The following MCF2L2 variants were observed in gnomAD, a reference collection of about 807,000 sequenced individuals.
The protein encoded by MCF2L2 is probable guanine nucleotide exchange factor MCF2L2.
In MCF2L2, 102 loss-of-function variants were observed where a neutral mutation model predicts 150.2. The observed-to-expected ratio is 0.68, with a 90% CI of 0.58 to 0.80. The LOEUF (loss-of-function observed/expected upper bound fraction) is 0.80. Ranked by LOEUF, MCF2L2 falls within the 30% of genes least tolerant of loss-of-function variation. The pLI is 0.00. For missense variants in MCF2L2, 1,256 were observed against 1,372.8 expected, an observed-to-expected ratio of 0.91 and a Z score of 1.34; for synonymous variants, 465 against 491.3, an observed-to-expected ratio of 0.95 and a Z score of 0.71.
chr3:183,337,137 T>C (rs938986180), intron 5 of MCF2L2, among the ~76,000 whole-genome samples: 21 of 152,200 alleles, frequency 1.4e-4, no homozygotes, highest in African/African-American at 4.6e-4. Flanking sequence ...GTATTTACAT[T>C]ATATAAATGT....
At chr3:183,341,189 C>T (rs1730680837) in intron 4 of MCF2L2, among the ~76,000 whole-genome samples, 1 of 152,134 alleles carries the variant, frequency 6.6e-6, no homozygotes, top group South Asian at 2.1e-4. Flanking sequence ...TCAGAATTGC[C>T]CCACTGCGGA....
At chr3:183,269,585 C>G in intron 15 of MCF2L2, 2 of 477,518 alleles carry the variant, frequency 4.2e-6, no homozygotes, top group African/African-American at 2.0e-5. Context: ...TTTTGACGTG[C>G]CAGTGTCCTC....
chr3:183,277,036 T>C (rs892876013), intron 14 of MCF2L2, 79 bp from the exon 15 acceptor site: 3 of 995,602 alleles, frequency 3.0e-6, no homozygotes, highest in Non-Finnish European at 4.5e-6. Context: ...CCAATTTCTG[T>C]GTTTGATTTT....
At chr3:183,273,142 A>C (rs968295698) in intron 15 of MCF2L2, 7 of 652,734 alleles carry the variant, frequency 1.1e-5, no homozygotes, top group Non-Finnish European at 1.5e-5. Context: ...CTATCTTTTT[A>C]AAAAATGTCA....
chr3:183,193,051 T>A lies in MCF2L2; in HGVS notation c.2964A>T (p.Glu988Asp), dbSNP rs1473470058. Reference protein sequence around the residue: ...AGSGPWIKNMERATTSKEDPA... With the variant: ...AGSGPWIKNMDRATTSKEDPA... ...GGTCTTCCTTGCTAGTGGTAGCTCT[T>A]TCCATATTTTTAATCCATGGTCCGG... The change falls in exon 27 of 30, where the codon GAA becomes GAT. Residue 988 changes from glutamate (E) to aspartate (D), a missense_variant. Coordinates refer to ENST00000328913, the MANE Select transcript of MCF2L2 (RefSeq NM_015078.4). 4 of 1,614,056 alleles carry A rather than the reference T, an allele frequency of 2.5e-6. No individual in the cohort carries two copies. The highest frequency in any genetic ancestry group is 1.3e-5 in the African/African-American group (1 of 74,918).
intron 3 of MCF2L2, among the ~76,000 whole-genome samples, chr3:183,351,219 TATATATATATATATA>T (rs1731115635): frequency 1.8e-4 from 17 of 91,914 alleles, no homozygotes; most frequent in Admixed American, 1.2e-3. Flanking sequence ...TATATATATA[TATATATATATATATA>T]TATTTATTTA....
chr3:183,423,632 G>GTTTTTTTTTTTTTTTTTTTTTT (rs34400256), intron 1 of MCF2L2, among the ~76,000 whole-genome samples: 1 of 92,040 alleles, frequency 1.1e-5, no homozygotes, highest in African/African-American at 4.0e-5. Context: ...AATTTTATTT[G>GTTTTTTTTTTTTTTTTTTTTTT]TTTTTTTTTT....
At chr3:183,195,523 C>G (rs560677607) in intron 25 of MCF2L2, among the ~76,000 whole-genome samples, 1 of 152,232 alleles carries the variant, frequency 6.6e-6, no homozygotes, top group African/African-American at 2.4e-5. Flanking sequence ...GTCCAAGTTT[C>G]TACTGTTAGC....
At chr3:183,251,118 C>T (rs1724501083) in intron 15 of MCF2L2, among the ~76,000 whole-genome samples, 1 of 152,176 alleles carries the variant, frequency 6.6e-6, no homozygotes, top group South Asian at 2.1e-4. Flanking sequence ...TGAACACCGG[C>T]CTGCTTCAGA....
chr3:183,299,750 G>A (rs1403116479), intron 11 of MCF2L2: 8 of 418,962 alleles, frequency 1.9e-5, no homozygotes, highest in South Asian at 1.1e-4. Flanking sequence ...CTTAAAGTCC[G>A]GCTCCACACA....
At chr3:183,372,278 G>A (rs1487304821) in intron 3 of MCF2L2, 1 of 152,028 alleles carries the variant, frequency 6.6e-6, no homozygotes, top group Non-Finnish European at 1.5e-5. Context: ...ACAATTCACA[G>A]GCCAAATAAT....
chr3:183,380,175 T>C (rs1006834401), intron 2 of MCF2L2, among the ~76,000 whole-genome samples: 1 of 152,136 alleles, frequency 6.6e-6, no homozygotes, highest in South Asian at 2.1e-4. Flanking sequence ...GACCACCAAA[T>C]TCAATAGATT....
intron 15 of MCF2L2, among the ~76,000 whole-genome samples, chr3:183,259,024 A>G (rs984352422): frequency 3.3e-5 from 5 of 152,246 alleles, no homozygotes; most frequent in Non-Finnish European, 7.3e-5. Context: ...AGACACGACC[A>G]TAAATTTTTT....
chr3:183,427,785 A>C, intron 1 of MCF2L2, 117 bp downstream of exon 1: 2 of 860,110 alleles, frequency 2.3e-6, no homozygotes, highest in Non-Finnish European at 3.8e-6. Context: ...ATGCCGGGCA[A>C]CCCCCCAGGA....
chr3:183,258,044 C>T lies in MCF2L2; in HGVS notation c.1862+18828G>A, dbSNP rs529638561. 5.7e-3 allele frequency among the ~76,000 whole-genome samples: 841 copies of T among 147,568 alleles called. 3 individuals carry two copies. The highest frequency in any genetic ancestry group is 8.5e-3 in the Non-Finnish European group (570 of 67,412). ...GTGCAATGGTGCCATCTCGGCTCACCGCAACCTCCGCCTCCTGGGTTCAAG... is the reference window on the plus strand; with the variant it reads ...GTGCAATGGTGCCATCTCGGCTCACTGCAACCTCCGCCTCCTGGGTTCAAG... On this transcript the variant is annotated intron_variant, in intron 15 of 29. Transcript: ENST00000328913.
intron 3 of MCF2L2, among the ~76,000 whole-genome samples, chr3:183,347,409 G>A (rs1730942652): frequency 6.6e-6 from 1 of 152,130 alleles, no homozygotes; most frequent in Admixed American, 6.6e-5. Flanking sequence ...ATTAACTCAA[G>A]ATGGATTAAA....
chr3:183,286,572 T>C lies in MCF2L2; in HGVS notation c.1776+2548A>G, dbSNP rs143468278. Among the ~76,000 whole-genome samples, 8 of 152,328 alleles carry C rather than the reference T, an allele frequency of 5.3e-5. No individual in the cohort carries two copies. In the East Asian group the frequency reaches 1.5e-3, roughly 29 times the overall value. ...TTTGAACCTATCTTTTTCTTACTAG[T>C]TTTCTTACATATTTTGGAATAACAA... On this transcript the variant is annotated intron_variant, in intron 14 of 29. Transcript: ENST00000328913.
At chr3:183,422,052 A>T (rs1689742865) in intron 1 of MCF2L2, among the ~76,000 whole-genome samples, 1 of 152,224 alleles carries the variant, frequency 6.6e-6, no homozygotes, top group South Asian at 2.1e-4. Flanking sequence ...CGTTTTCAAC[A>T]ATGCCCTGGG....
At chr3:183,369,774 T>C (rs901424736) in intron 3 of MCF2L2, among the ~76,000 whole-genome samples, 2 of 152,102 alleles carry the variant, frequency 1.3e-5, no homozygotes, top group Non-Finnish European at 2.9e-5. Flanking sequence ...TAGTTGACAA[T>C]AGTAAATAAA....
Sources: allele counts gnomAD v4.1 joint callset (sites outside exome capture counted in the v4.1 genomes callset), GRCh38; gene constraint gnomAD v4.1.1; transcripts MANE v1.5; gene names NCBI Gene and HGNC (gene_info 2026-07-23, HGNC 2026-07-21).